The following ERC1 variants were observed in gnomAD, a reference collection of about 807,000 sequenced individuals.
The protein encoded by ERC1 is ELKS/RAB6-interacting/CAST family member 1, also known as RAB6 interacting protein 2.
A neutral mutation model predicts 132.0 loss-of-function variants in ERC1; 56 were observed. The ratio of observed to expected loss-of-function variants is 0.42; its 90% CI spans 0.34 to 0.53. The LOEUF (loss-of-function observed/expected upper bound fraction) is 0.53, where lower values mean the gene tolerates loss of function less well. ERC1 is among the 20% of genes least tolerant of loss of function. The pLI, the probability that ERC1 is intolerant of heterozygous loss-of-function variation, is 0.03. For synonymous variants in ERC1, 478 were observed against 476.1 expected, an observed-to-expected ratio of 1.00 and a Z score of -0.05; for missense variants, 1,202 against 1,349.9, an observed-to-expected ratio of 0.89 and a Z score of 1.72.
chr12:1,448,282 T>A (rs1016186849), intron 18 of ERC1, among the ~76,000 whole-genome samples: 4 of 152,186 alleles, frequency 2.6e-5, no homozygotes, highest in African/African-American at 9.7e-5. Flanking sequence ...AATTGTATTC[T>A]CCCCAACAGT....
Position 1,008,346 on chromosome 12 carries a change from A to G in ERC1, c.-157+17024A>G, listed in dbSNP as rs541452301. On this transcript the variant is annotated intron_variant, in intron 1 of 18. Coordinates refer to ENST00000360905, the MANE Select transcript of ERC1 (RefSeq NM_178040.4). ...TTAGTAGCCACATTAAAGAGTAAAA[A>G]GAAACAATTGGATTTTATAACTTAT... is the stretch of plus-strand genomic sequence containing the variant. Among the ~76,000 whole-genome samples, 4 of 152,378 alleles carry G rather than the reference A, an allele frequency of 2.6e-5. No individual in the cohort carries two copies. In the South Asian group the frequency reaches 8.3e-4, roughly 32 times the overall value.
intron 17 of ERC1, among the ~76,000 whole-genome samples, chr12:1,438,954 A>AAAAATAT (rs1015181197): frequency 1.4e-5 from 2 of 143,492 alleles, no homozygotes; most frequent in Non-Finnish European, 3.1e-5. Context: ...TTTAAAAAAA[A>AAAAATAT]ATATATATAT....
At chr12:1,212,065 C>T (rs746123009) in intron 12 of ERC1, among the ~76,000 whole-genome samples, 12 of 152,104 alleles carry the variant, frequency 7.9e-5, no homozygotes, top group Non-Finnish European at 1.6e-4. Flanking sequence ...TGTCCACTCT[C>T]ATTATGTTTC....
intron 2 of ERC1, among the ~76,000 whole-genome samples, chr12:1,058,790 T>TTTTG (rs1555220553): frequency 0.073 from 37 of 510 alleles, no homozygotes; most frequent in African/African-American, 0.15. Flanking sequence ...GGAAAGTATG[T>TTTTG]TTTTTTTTTT....
chr12:1,464,768 C>T (rs985912230), intron 18 of ERC1, among the ~76,000 whole-genome samples: 4 of 151,948 alleles, frequency 2.6e-5, no homozygotes, highest in African/African-American at 9.7e-5. Flanking sequence ...GATCTGCCCA[C>T]CTCAGCCTCC....
chr12:1,402,445 G>A (rs550372399), intron 16 of ERC1, among the ~76,000 whole-genome samples: 84 of 152,020 alleles, frequency 5.5e-4, no homozygotes, highest in African/African-American at 1.7e-3. Flanking sequence ...AAGGAGAATC[G>A]CTTGAACCCG....
intron 4 of ERC1, 83 bp from the exon 5 acceptor site, chr12:1,110,109 T>A: frequency 2.6e-6 from 3 of 1,170,928 alleles, no homozygotes; most frequent in Non-Finnish European, 3.6e-6. Flanking sequence ...CTTTATTAAA[T>A]GTAACTTCTT....
At chr12:1,350,303 C>T (rs914613796) in intron 15 of ERC1, among the ~76,000 whole-genome samples, 5 of 152,096 alleles carry the variant, frequency 3.3e-5, no homozygotes, top group Non-Finnish European at 7.4e-5. Flanking sequence ...GGGTTGAGAC[C>T]TATTGTATTT....
intron 2 of ERC1, among the ~76,000 whole-genome samples, chr12:1,078,787 A>G (rs968420724): frequency 6.6e-6 from 1 of 152,190 alleles, no homozygotes; most frequent in Non-Finnish European, 1.5e-5. Flanking sequence ...TTGATATACA[A>G]AGACACAGAT....
chr12:1,201,941 G>T (rs1262253152), intron 12 of ERC1, among the ~76,000 whole-genome samples: 2 of 152,134 alleles, frequency 1.3e-5, no homozygotes, highest in Non-Finnish European at 2.9e-5. Context: ...GCGGATGGTG[G>T]CTCAGAGTAA....
chr12:1,352,927 T>A lies in ERC1; in HGVS notation c.2781-18906T>A, dbSNP rs1595177981. 2.6e-5 allele frequency among the ~76,000 whole-genome samples: 4 copies of A among 152,148 alleles called. No individual in the cohort carries two copies. The South Asian group carries it at 8.3e-4, about 32-fold the overall frequency. Reference sequence around the variant, plus strand: ...AGATGGCTTTTTGCTTTTAAAAATATAGATGAGTGTGATTTAGGCATGTAT... The same window carrying A: ...AGATGGCTTTTTGCTTTTAAAAATAAAGATGAGTGTGATTTAGGCATGTAT... On this transcript the variant is annotated intron_variant, in intron 15 of 18. Coordinates refer to ENST00000360905, the MANE Select transcript of ERC1 (RefSeq NM_178040.4).
intron 1 of ERC1, among the ~76,000 whole-genome samples, chr12:1,001,806 G>A (rs1483266319): frequency 6.9e-6 from 1 of 145,696 alleles, no homozygotes; most frequent in Non-Finnish European, 1.5e-5. Context: ...GTTGTTTCTA[G>A]TTTTGGGCTA....
intron 3 of ERC1, among the ~76,000 whole-genome samples, chr12:1,091,227 C>CT (rs1163990864): frequency 2.6e-5 from 4 of 151,992 alleles, no homozygotes; most frequent in East Asian, 1.9e-4. Context: ...TTATTTGTTT[C>CT]TTTTTTTATC....
At chr12:1,279,592 G>A (rs73029108) in intron 14 of ERC1, among the ~76,000 whole-genome samples, 1 of 151,166 alleles carries the variant, frequency 6.6e-6, no homozygotes, top group South Asian at 2.1e-4. Context: ...CAAACCTTTG[G>A]CACATCCAAA....
At chr12:1,058,366 T>C (rs1029995516) in intron 2 of ERC1, among the ~76,000 whole-genome samples, 5 of 152,228 alleles carry the variant, frequency 3.3e-5, no homozygotes, top group African/African-American at 1.2e-4. Flanking sequence ...GAGTTGACTA[T>C]TGCGTTTGGT....
chr12:1,342,689 A>T (rs1051652117), intron 15 of ERC1, among the ~76,000 whole-genome samples: 2 of 152,184 alleles, frequency 1.3e-5, no homozygotes, highest in African/African-American at 4.8e-5. Context: ...TAGTTGATAA[A>T]ATAGCAGATG....
At chr12:1,439,859 C>T (rs2093054379) in intron 17 of ERC1, among the ~76,000 whole-genome samples, 1 of 152,292 alleles carries the variant, frequency 6.6e-6, no homozygotes, top group East Asian at 1.9e-4. Context: ...TTGTGGGAAA[C>T]ACAGTTTCTT....
intron 5 of ERC1, among the ~76,000 whole-genome samples, chr12:1,111,913 C>T (rs1945914695): frequency 6.6e-6 from 1 of 152,052 alleles, no homozygotes; most frequent in African/African-American, 2.4e-5. Context: ...CGCCTGGCCT[C>T]ACATAACCAA....
chr12:1,302,532 G>A (rs867550234), intron 15 of ERC1, among the ~76,000 whole-genome samples: 2 of 152,110 alleles, frequency 1.3e-5, no homozygotes, highest in East Asian at 1.9e-4. Flanking sequence ...ATTCTAAAAC[G>A]TATGTATTCA....
Sources: gnomAD v4.1 joint callset for allele counts (sites outside exome capture counted in the v4.1 genomes callset) on GRCh38, gnomAD v4.1.1 for gene constraint, MANE v1.5 for transcripts, NCBI Gene and HGNC (gene_info 2026-07-23, HGNC 2026-07-21) for gene names.